Variants in KCP observed in about 807,000 individuals in gnomAD.
KCP encodes the protein kielin/chordin-like protein.
Under a neutral mutation model 212.7 loss-of-function variants are expected in KCP, and 194 were observed. The ratio of observed to expected loss-of-function variants is 0.91; its 90% CI spans 0.81 to 1.03. KCP has a LOEUF of 1.03. Ranked by LOEUF, KCP falls within the 50% of genes least tolerant of loss-of-function variation. The pLI is 0.00. For missense variants in KCP, 2,080 were observed against 2,162.5 expected (o/e 0.96, Z 0.76); for synonymous variants, 833 against 865.3 (o/e 0.96, Z 0.65).
chr7:128,908,338 C>G (rs149868192), intron 2 of KCP, 88 bp downstream of exon 2: 1 of 1,256,272 alleles, frequency 8.0e-7, no homozygotes, highest in East Asian at 2.7e-5. Flanking sequence ...CTATTTTAGG[C>G]TCCCCCCTCC....
At chr7:128,890,538 G>A (rs1404435450) in intron 20 of KCP, 25 bp from the exon 21 acceptor site, 1 of 1,535,790 alleles carries the variant, frequency 6.5e-7, no homozygotes, top group East Asian at 2.5e-5. Flanking sequence ...AGGGGCTGGG[G>A]GGCCGTGGGG....
chr7:128,886,652 T>C lies in KCP; in HGVS notation c.2772+3A>G, dbSNP rs1366041082. On this transcript the variant is annotated splice_donor_region_variant and intron_variant, in intron 25 of 39. Transcript: ENST00000610776. ...ACTCCACACCCCCCACCTCCTGCTA[T>C]ACCTGACAGCGACACCACTCACAGC... The C allele has an allele frequency of 4.5e-6, 7 of 1,551,464 alleles. No individual in the cohort carries two copies. The highest frequency in any genetic ancestry group is 5.2e-6 in the Non-Finnish European group (6 of 1,146,894).
rs904074679 is a variant in KCP at position 128,884,763 on chromosome 7, C to T, written c.3123+18G>A. On this transcript the variant is annotated intron_variant, in intron 28 of 39. Transcript: ENST00000610776. ...CCCCGACGAGGTGCCCCAGCCCCACCACTGTGCCCTCACCTACCTCGCAGA... is the reference window on the plus strand; with the variant it reads ...CCCCGACGAGGTGCCCCAGCCCCACTACTGTGCCCTCACCTACCTCGCAGA... 1 of 1,550,594 alleles carries T rather than the reference C, an allele frequency of 6.4e-7. No homozygotes were observed. Among genetic ancestry groups the T allele is most frequent in the South Asian group, 1.2e-5 (1 of 84,052 alleles).
chr7:128,896,781 C>T (rs1277550264), intron 8 of KCP, among the ~76,000 whole-genome samples: 2 of 148,672 alleles, frequency 1.3e-5, no homozygotes, highest in African/African-American at 5.0e-5. Flanking sequence ...GTCCCAGCTA[C>T]TTGGGAGGCT....
rs770773503 is a variant in KCP at position 128,878,641 on chromosome 7, A to G, written c.4228T>C (p.Phe1410Leu). ...AGATCGTCCTGGGCAAAGCCATTGAAGTTCCCACAGAGCCCACAAGTCCGG... is the reference window on the plus strand; with the variant it reads ...AGATCGTCCTGGGCAAAGCCATTGAGGTTCCCACAGAGCCCACAAGTCCGG... ...QGRTCGLCGN[F>L]NGFAQDDLQG... Residue 1410 changes from phenylalanine to leucine, a missense_variant, in exon 38 of 40, where the codon TTC (phenylalanine) becomes CTC (leucine). Phe to Leu is a conservative substitution (Grantham distance 22). Transcript: ENST00000610776. 8.4e-6 allele frequency: 13 copies of G among 1,551,290 alleles called. 1 individual carries two copies. The highest frequency in any genetic ancestry group is 2.4e-5 in the South Asian group (2 of 84,066).
chr7:128,908,184 G>T (rs1795226379), intron 2 of KCP, among the ~76,000 whole-genome samples: 1 of 139,036 alleles, frequency 7.2e-6, no homozygotes, highest in Non-Finnish European at 1.5e-5. Flanking sequence ...TGGAAGGAAG[G>T]AAGGAAGGAA....
Position 128,886,655 on chromosome 7 carries a change from C to T in KCP, c.2772G>A (p.Gln924=). 6.4e-7 allele frequency: 1 copy of T among 1,551,520 alleles called. No homozygotes were observed. The highest frequency in any genetic ancestry group is 8.7e-7 in the Non-Finnish European group (1 of 1,146,910). The stretch of plus-strand genomic sequence containing the variant: ...CCACACCCCCCACCTCCTGCTATAC[C>T]TGACAGCGACACCACTCACAGCTGC... ...PAGSCEWCRC[Q]AGQVSCVRLQ... The change falls in exon 25 of 40, where the codon CAG becomes CAA. Residue 924 remains glutamine, a splice_region_variant and synonymous_variant. Coordinates refer to ENST00000610776, the MANE Select transcript of KCP (RefSeq NM_001366122.1).
In KCP at chr7:128,880,618, C is replaced by T. The variant is rs1355332525; in HGVS notation, c.3616+1G>A. 22 of 1,208,172 alleles carry T rather than the reference C, an allele frequency of 1.8e-5. No homozygotes were observed. The East Asian group carries it at 6.2e-4, about 34-fold the overall frequency. 74.8% of individuals were successfully genotyped at this position (1,208,172 alleles called of 1,614,324 possible). On this transcript the variant is annotated splice_donor_variant, in intron 33 of 39. Transcript: ENST00000610776. LOFTEE classifies it high-confidence loss of function. ...CCTCCCCCATCACCCTGGCTGCGCACCTTGGCATCGCTCACAGCAGCTGTC... is the reference window on the plus strand; with the variant it reads ...CCTCCCCCATCACCCTGGCTGCGCATCTTGGCATCGCTCACAGCAGCTGTC...
At chr7:128,904,571 A>G (rs534969497) in intron 5 of KCP, among the ~76,000 whole-genome samples, 75 of 152,280 alleles carry the variant, frequency 4.9e-4, no homozygotes, top group African/African-American at 1.8e-3. Flanking sequence ...TAGCCCCCAC[A>G]TTTGGGCTTG....
intron 13 of KCP, 54 bp downstream of exon 13, chr7:128,893,184 G>A: frequency 6.6e-7 from 1 of 1,512,060 alleles, no homozygotes. Flanking sequence ...CCCTCCTTCT[G>A]CAGCCCTCAG....
chr7:128,880,562 C>T (rs1297256109), intron 33 of KCP, 34 bp from the exon 34 acceptor site: 8 of 1,380,120 alleles, frequency 5.8e-6, no homozygotes, highest in Non-Finnish European at 7.6e-6. Flanking sequence ...GTCAGCTGCT[C>T]CTCCCACATG....
chr7:128,879,353 G>A lies in KCP; in HGVS notation c.4146+169C>T, dbSNP rs888181223. 6.6e-6 allele frequency: 4 copies of A among 604,068 alleles called. No homozygotes were observed. The African/African-American group carries it at 7.4e-5, about 11-fold the overall frequency. The allele number at this position is 604,068 out of a possible 1,614,324, so 37.4% of individuals were successfully genotyped here. On this transcript the variant is annotated intron_variant, in intron 37 of 39. Coordinates refer to ENST00000610776, the MANE Select transcript of KCP (RefSeq NM_001366122.1). ...GAACTCAGAACTCCTCTGACTGCCT[G>A]GGGAGATCTCTGACCCTGATCCACC... is the stretch of plus-strand genomic sequence containing the variant.
chr7:128,890,772 G>T, intron 20 of KCP, 133 bp downstream of exon 20: 1 of 906,544 alleles, frequency 1.1e-6, no homozygotes. Flanking sequence ...CATGCTGACC[G>T]GACACTACAT....
chr7:128,908,284 A>AAG (rs1795255981), intron 2 of KCP, 142 bp downstream of exon 2: 1 of 572,228 alleles, frequency 1.7e-6, no homozygotes, highest in South Asian at 8.5e-5. Flanking sequence ...GAAAGAAAGA[A>AAG]AGAAAGAAAG....
At position 128,877,564 on chromosome 7, in the gene KCP, A is replaced by G. The variant is rs1231415582; in HGVS notation, c.4538T>C (p.Leu1513Pro). 13 of 1,551,572 alleles carry G rather than the reference A, an allele frequency of 8.4e-6. 1 individual carries two copies. The highest frequency in any genetic ancestry group is 1.7e-4 in the Middle Eastern group (1 of 5,992). The change falls in exon 39 of 40, where the codon CTC (leucine) becomes CCC (proline). Residue 1513 changes from leucine to proline, a missense_variant. Leu to Pro is a moderately conservative substitution (Grantham distance 98). Transcript: ENST00000610776. ...GGCGTAGGCTTCCAGGGCATCACAG[A>G]GGCAGGCATCAGCGGAGGAGCCAGG... The part of the protein sequence containing the change: ...CGPGSSADAC[L>P]CDALEAYASH...
intron 4 of KCP, 90 bp downstream of exon 4, chr7:128,907,011 A>G: frequency 1.6e-6 from 2 of 1,251,856 alleles, no homozygotes; most frequent in Admixed American, 4.3e-5. Flanking sequence ...AGAGCCCATT[A>G]TGCGACATCT....
At chr7:128,894,958 G>A (rs901376841) in intron 8 of KCP, among the ~76,000 whole-genome samples, 2 of 152,202 alleles carry the variant, frequency 1.3e-5, no homozygotes, top group East Asian at 1.9e-4. Context: ...CAGGGAGAAT[G>A]GTATGGAAAA....
intron 8 of KCP, among the ~76,000 whole-genome samples, chr7:128,898,726 G>A (rs1458685792): frequency 6.6e-6 from 1 of 152,152 alleles, no homozygotes; most frequent in East Asian, 1.9e-4. Context: ...TTTTAAGTTA[G>A]ATAGAATAAA....
rs1236457016 is a variant in KCP at position 128,893,869 on chromosome 7, A to G, written c.1036T>C (p.Cys346Arg). The G allele has an allele frequency of 2.6e-6, 4 of 1,551,198 alleles. No individual in the cohort carries two copies. The highest frequency in any genetic ancestry group is 3.5e-6 in the Non-Finnish European group (4 of 1,146,978). The change falls in exon 11 of 40, where the codon TGC becomes CGC. Residue 346 changes from cysteine (C) to arginine (R), a missense_variant. Physicochemically the swap from Cys to Arg is radical, Grantham distance 180. Transcript: ENST00000610776. ...GGGTGTCTGCAGGGCACTGGCGGGC[A>G]GGGCAGAGGCTCACACTGGACACTC... ...NGSVQCEPLP[C>R]PPVPCRHPGK... is the part of the protein sequence containing the mutation.
Sources: gnomAD v4.1 joint callset for allele counts (sites outside exome capture counted in the v4.1 genomes callset) on GRCh38, gnomAD v4.1.1 for gene constraint, MANE v1.5 for transcripts, NCBI Gene and HGNC (gene_info 2026-07-23, HGNC 2026-07-21) for gene names.